VPS41: variants seen among roughly 807,000 people sequenced by gnomAD.
The protein encoded by VPS41 is VPS41 subunit of HOPS complex.
Under a neutral mutation model 130.9 loss-of-function variants are expected in VPS41, and 85 were observed. That is an observed-to-expected ratio of 0.65 (90% CI 0.55 to 0.78). VPS41 has a LOEUF of 0.78. Among genes scored for constraint, VPS41 ranks in the 30% least tolerant of loss-of-function variants. VPS41 has a pLI of 0.00. For missense variants in VPS41, 874 were observed against 1,018.7 expected, an observed-to-expected ratio of 0.86 and a Z score of 1.93; for synonymous variants, 335 against 332.9, an observed-to-expected ratio of 1.01 and a Z score of -0.07.
chr7:38,757,013 C>G, intron 18 of VPS41, 31 bp from the exon 19 acceptor site: 1 of 1,515,152 alleles, frequency 6.6e-7, no homozygotes, highest in Non-Finnish European at 9.1e-7. Context: ...CATTAATATT[C>G]ATCAACAGTT....
chr7:38,869,683 A>G (rs1019228408), intron 2 of VPS41, among the ~76,000 whole-genome samples: 31 of 152,218 alleles, frequency 2.0e-4, no homozygotes, highest in Non-Finnish European at 2.9e-4. Flanking sequence ...TTCAATAAGT[A>G]ATAGGAAACA....
chr7:38,833,259 T>C (rs962384254), intron 4 of VPS41, among the ~76,000 whole-genome samples: 1 of 152,194 alleles, frequency 6.6e-6, no homozygotes, highest in Admixed American at 6.5e-5. Context: ...TCTCCTGCCC[T>C]AACTCTACTA....
chr7:38,850,225 A>T (rs1483604526), intron 4 of VPS41, among the ~76,000 whole-genome samples: 1 of 152,186 alleles, frequency 6.6e-6, no homozygotes, highest in African/African-American at 2.4e-5. Context: ...TGCCAAGTTG[A>T]TGGTTATAAA....
chr7:38,791,716 G>A (rs1162578271), intron 9 of VPS41, among the ~76,000 whole-genome samples: 1 of 152,180 alleles, frequency 6.6e-6, no homozygotes, highest in Non-Finnish European at 1.5e-5. Context: ...AGGCTGGAGA[G>A]TAACGGAGAG....
At chr7:38,847,196 A>T (rs1323541443) in intron 4 of VPS41, among the ~76,000 whole-genome samples, 1 of 152,192 alleles carries the variant, frequency 6.6e-6, no homozygotes, top group Non-Finnish European at 1.5e-5. Flanking sequence ...CAAAACAGAC[A>T]TTTTCAAACA....
Position 38,726,911 on chromosome 7 carries a change from T to C in VPS41, c.2482A>G (p.Met828Val), listed in dbSNP as rs755367568. 2 of 1,563,984 alleles carry C rather than the reference T, an allele frequency of 1.3e-6. No individual in the cohort carries two copies. Among genetic ancestry groups the C allele is most frequent in the Non-Finnish European group, 1.7e-6 (2 of 1,156,016 alleles). Residue 828 changes from methionine (M) to valine (V), a missense_variant and splice_region_variant, in exon 28 of 29, where the codon ATG becomes GTG. Physicochemically the swap from Met to Val is conservative, Grantham distance 21. Transcript: ENST00000310301. ...FHKECLPMPS[M>V]NSAAQFCNIC... ...TAGGTGCCAAGCTGCCAACTCACCA[T>C]GCTGGGCATGGGCAGGCACTCCTTG...
At chr7:38,854,035 A>G (rs1785925415) in intron 4 of VPS41, among the ~76,000 whole-genome samples, 2 of 152,242 alleles carry the variant, frequency 1.3e-5, no homozygotes, top group African/African-American at 4.8e-5. Flanking sequence ...AATGCAGACA[A>G]CTGGAAATAT....
chr7:38,827,567 C>G (rs1785304144), intron 5 of VPS41, among the ~76,000 whole-genome samples: 1 of 152,126 alleles, frequency 6.6e-6, no homozygotes, highest in South Asian at 2.1e-4. Flanking sequence ...CTTACCATAT[C>G]CCCTGCACCT....
intron 4 of VPS41, among the ~76,000 whole-genome samples, chr7:38,840,454 A>G (rs1785586733): frequency 6.6e-6 from 1 of 152,152 alleles, no homozygotes; most frequent in Non-Finnish European, 1.5e-5. Context: ...AATGGGGGAG[A>G]AGACTTTAGC....
At chr7:38,895,661 C>G (rs910049214) in intron 2 of VPS41, among the ~76,000 whole-genome samples, 2 of 152,150 alleles carry the variant, frequency 1.3e-5, no homozygotes, top group African/African-American at 2.4e-5. Context: ...GTCTCCTGAT[C>G]TGATGATGTT....
At chr7:38,862,962 C>G (rs1319029844) in intron 3 of VPS41, among the ~76,000 whole-genome samples, 1 of 152,100 alleles carries the variant, frequency 6.6e-6, no homozygotes, top group Non-Finnish European at 1.5e-5. Flanking sequence ...CAGTTGAACT[C>G]AAAGTGAGAA....
At chr7:38,833,845 C>T (rs10234008) in intron 4 of VPS41, among the ~76,000 whole-genome samples, 31,018 of 151,882 alleles carry the variant, frequency 0.2, 4,296 homozygotes, top group Non-Finnish European at 0.31. Context: ...CCAGGATAAC[C>T]TTATAATAAT....
At chr7:38,844,859 C>G (rs1785689636) in intron 4 of VPS41, among the ~76,000 whole-genome samples, 1 of 152,200 alleles carries the variant, frequency 6.6e-6, no homozygotes, top group African/African-American at 2.4e-5. Context: ...TGTGCCTACT[C>G]TGTGCCTGAG....
rs1441742221 is a variant in VPS41, at chr7:38,723,009, TCTTATAATAAAG to T, written c.*3225_*3236del. On this transcript the variant is annotated 3_prime_UTR_variant, in exon 29 of 29. Transcript: ENST00000310301. ...ATTTTATTTATATTATATGCTATATTCTTATAATAAAGCAAGCTAAAGAAAATAGTAAGAAAA... is the reference window on the plus strand; with the variant it reads ...ATTTTATTTATATTATATGCTATATTCAAGCTAAAGAAAATAGTAAGAAAA... The T allele has an allele frequency of 6.6e-6, 1 of 152,118 alleles. No individual in the cohort carries two copies. Among genetic ancestry groups the T allele is most frequent in the Non-Finnish European group, 1.5e-5 (1 of 68,020 alleles). The allele number at this position is 152,118 out of a possible 1,614,324, so 9.4% of individuals were successfully genotyped here.
At chr7:38,739,593 C>T (rs143802390) in intron 25 of VPS41, among the ~76,000 whole-genome samples, 3 of 152,214 alleles carry the variant, frequency 2.0e-5, no homozygotes, top group African/African-American at 7.2e-5. Flanking sequence ...AAAATAATGC[C>T]TGGAATTCTT....
At chr7:38,843,946 T>C (rs961331524) in intron 4 of VPS41, among the ~76,000 whole-genome samples, 41 of 152,348 alleles carry the variant, frequency 2.7e-4, no homozygotes, top group African/African-American at 9.6e-4. Flanking sequence ...TATCCTTTTA[T>C]TCCAAAAACA....
At chr7:38,788,109 A>T (rs1048228728) in intron 10 of VPS41, among the ~76,000 whole-genome samples, 1 of 152,166 alleles carries the variant, frequency 6.6e-6, no homozygotes, top group African/African-American at 2.4e-5. Context: ...TGTGCCAAGT[A>T]CCATGTTAGG....
rs983532909 is a variant in VPS41, at chr7:38,775,272, TATC to T, written c.883-1031_883-1029del. 2.0e-5 allele frequency: 3 copies of T among 152,172 alleles called. No homozygotes were observed. The East Asian group carries it at 5.8e-4, about 29-fold the overall frequency. 9.4% of individuals were successfully genotyped at this position (152,172 alleles called of 1,614,324 possible). A position where few individuals can be genotyped will look rare whatever the true frequency, so the allele number is the denominator to read the frequency against. ...GTACTTTAATGTTCTATAAAATGAG[TATC>T]TACATACACTGGCATAAACATGTTC... is the stretch of plus-strand genomic sequence containing the variant. On this transcript the variant is annotated intron_variant, in intron 11 of 28. Coordinates refer to ENST00000310301, the MANE Select transcript of VPS41 (RefSeq NM_014396.4).
chr7:38,837,446 T>C (rs1258482113), intron 4 of VPS41, among the ~76,000 whole-genome samples: 1 of 152,224 alleles, frequency 6.6e-6, no homozygotes, highest in Non-Finnish European at 1.5e-5. Context: ...TAGCACATCC[T>C]GAGGACAATG....
Sources: gnomAD v4.1 joint callset for allele counts (sites outside exome capture counted in the v4.1 genomes callset) on GRCh38, gnomAD v4.1.1 for gene constraint, MANE v1.5 for transcripts, NCBI Gene and HGNC (gene_info 2026-07-23, HGNC 2026-07-21) for gene names.